The following SLIT3 variants were observed in gnomAD, a reference collection of about 807,000 sequenced individuals.
The protein encoded by SLIT3 is slit guidance ligand 3.
Under a neutral mutation model 184.0 loss-of-function variants are expected in SLIT3, and 68 were observed. The ratio of observed to expected loss-of-function variants is 0.37; its 90% CI spans 0.30 to 0.45. SLIT3 has a LOEUF of 0.45. Among genes scored for constraint, SLIT3 ranks in the 20% least tolerant of loss-of-function variants. SLIT3 has a pLI of 1.00. For synonymous variants in SLIT3, 831 were observed against 828.6 expected (o/e 1.00, Z -0.05); for missense variants, 1,707 against 2,026.0 (o/e 0.84, Z 3.02).
intron 4 of SLIT3, among the ~76,000 whole-genome samples, chr5:169,025,971 G>A (rs62379479): frequency 0.035 from 5,338 of 152,204 alleles, 122 homozygotes; most frequent in Middle Eastern, 0.065. Flanking sequence ...AAAGGTGAGT[G>A]GCTAATTTCC....
chr5:168,958,279 T>A (rs112704410), intron 4 of SLIT3, among the ~76,000 whole-genome samples: 1 of 152,212 alleles, frequency 6.6e-6, no homozygotes, highest in South Asian at 2.1e-4. Context: ...TCATTATACA[T>A]GCACATCAGT....
chr5:169,207,900 T>TCCTCACCAGACACCAAGTATACTGGC (rs1764127020), intron 3 of SLIT3, among the ~76,000 whole-genome samples: 1 of 152,134 alleles, frequency 6.6e-6, no homozygotes, highest in African/African-American at 2.4e-5. Context: ...AGAAAGTGGG[T>TCCTCACCAGACACCAAGTATACTGGC]CCTCACCAGA....
intron 6 of SLIT3, among the ~76,000 whole-genome samples, chr5:168,837,102 A>G (rs552274253): frequency 5.7e-4 from 87 of 152,338 alleles, no homozygotes; most frequent in Middle Eastern, 6.8e-3. Context: ...GCACGAGAGC[A>G]TTTATAGAAA....
intron 4 of SLIT3, among the ~76,000 whole-genome samples, chr5:169,091,348 A>G (rs1006093804): frequency 6.6e-6 from 1 of 152,186 alleles, no homozygotes; most frequent in Non-Finnish European, 1.5e-5. Flanking sequence ...TTCCAACGGC[A>G]TGGTTGGTCC....
At chr5:168,926,707 T>C (rs922260630) in intron 4 of SLIT3, among the ~76,000 whole-genome samples, 1 of 67,776 alleles carries the variant, frequency 1.5e-5, no homozygotes, top group Admixed American at 1.3e-4. Flanking sequence ...TGGATAGACT[T>C]TTCTACGAAG....
chr5:169,015,966 A>C (rs1485098846), intron 4 of SLIT3, among the ~76,000 whole-genome samples: 19 of 139,848 alleles, frequency 1.4e-4, no homozygotes, highest in East Asian at 1.1e-3. Context: ...ACACACACAC[A>C]CACACACACA....
At chr5:168,681,165 A>T (rs1761578138) in intron 32 of SLIT3, among the ~76,000 whole-genome samples, 1 of 152,158 alleles carries the variant, frequency 6.6e-6, no homozygotes, top group South Asian at 2.1e-4. Flanking sequence ...AACCCAAAAA[A>T]CAAAAAAACT....
At position 168,961,528 on chromosome 5, in the gene SLIT3, G is replaced by A. The variant is rs533107936; in HGVS notation, c.414-78192C>T. The stretch of plus-strand genomic sequence containing the variant: ...ATAAAACTATAATAGCAATAAGTAC[G>A]TTGAAGACAAAATGTGAGTGTTATA... On this transcript the variant is annotated intron_variant, in intron 4 of 35. Coordinates refer to ENST00000519560, the MANE Select transcript of SLIT3 (RefSeq NM_003062.4). Among the ~76,000 whole-genome samples the A allele has an allele frequency of 3.9e-5, 6 of 152,288 alleles. No homozygotes were observed. In the South Asian group the frequency reaches 6.2e-4, roughly 16 times the overall value.
chr5:168,749,100 G>A (rs1754605870), intron 19 of SLIT3, among the ~76,000 whole-genome samples: 1 of 152,170 alleles, frequency 6.6e-6, no homozygotes, highest in Non-Finnish European at 1.5e-5. Flanking sequence ...CACTCCACAA[G>A]GGTGCCATAT....
At chr5:169,295,840 T>C (rs959326530) in intron 1 of SLIT3, among the ~76,000 whole-genome samples, 39 of 152,124 alleles carry the variant, frequency 2.6e-4, no homozygotes, top group Non-Finnish European at 4.6e-4. Context: ...GCAGAACTTA[T>C]CAATTAATAC....
intron 3 of SLIT3, among the ~76,000 whole-genome samples, chr5:169,222,507 G>A (rs1179827393): frequency 6.6e-6 from 1 of 152,064 alleles, no homozygotes; most frequent in Non-Finnish European, 1.5e-5. Context: ...TACTTGTCAG[G>A]ATTGTGATGA....
intron 4 of SLIT3, among the ~76,000 whole-genome samples, chr5:169,095,738 G>A (rs1311892867): frequency 6.6e-6 from 1 of 152,156 alleles, no homozygotes; most frequent in African/African-American, 2.4e-5. Flanking sequence ...TCACTGTCAA[G>A]CGGCCTCACT....
At chr5:169,154,146 G>T (rs1427519909) in intron 4 of SLIT3, among the ~76,000 whole-genome samples, 2 of 151,924 alleles carry the variant, frequency 1.3e-5, no homozygotes, top group Non-Finnish European at 2.9e-5. Flanking sequence ...CTAATTTTTT[G>T]TATTTTTAGT....
chr5:168,729,427 C>T (rs890934073), intron 20 of SLIT3, among the ~76,000 whole-genome samples: 3 of 151,862 alleles, frequency 2.0e-5, no homozygotes, highest in Non-Finnish European at 2.9e-5. Flanking sequence ...GGAAACCCCT[C>T]AGACTAACAG....
chr5:169,107,889 G>A (rs1334105958), intron 4 of SLIT3, among the ~76,000 whole-genome samples: 1 of 152,206 alleles, frequency 6.6e-6, no homozygotes, highest in East Asian at 1.9e-4. Flanking sequence ...TGCAGCTTGA[G>A]AACTCCTTCA....
chr5:169,105,275 A>C (rs1345537889), intron 4 of SLIT3, among the ~76,000 whole-genome samples: 2 of 152,180 alleles, frequency 1.3e-5, no homozygotes, highest in Non-Finnish European at 2.9e-5. Flanking sequence ...GTTAAACCGC[A>C]CATAAATTTA....
At chr5:168,669,644 G>T (rs1281871089) in intron 35 of SLIT3, 139 bp downstream of exon 35, 1 of 675,498 alleles carries the variant, frequency 1.5e-6, no homozygotes, top group Admixed American at 2.4e-5. Context: ...CAAGTTGAGG[G>T]AATTGAGGCT....
At chr5:169,094,117 C>G (rs1263496766) in intron 4 of SLIT3, among the ~76,000 whole-genome samples, 3 of 152,144 alleles carry the variant, frequency 2.0e-5, no homozygotes, top group Admixed American at 6.5e-5. Context: ...CAAGATCACA[C>G]AGCTAATAAA....
chr5:168,942,452 A>C (rs1028125728), intron 4 of SLIT3, among the ~76,000 whole-genome samples: 2 of 152,240 alleles, frequency 1.3e-5, no homozygotes, highest in African/African-American at 4.8e-5. Context: ...CTTGTTCTAT[A>C]AGCTAGATAT....
Sources: allele counts gnomAD v4.1 joint callset (sites outside exome capture counted in the v4.1 genomes callset), GRCh38; gene constraint gnomAD v4.1.1; transcripts MANE v1.5; gene names NCBI Gene and HGNC (gene_info 2026-07-23, HGNC 2026-07-21).